GGNBP2: variants seen among roughly 807,000 people sequenced by gnomAD.
The protein encoded by GGNBP2 is gametogenetin-binding protein 2.
A neutral mutation model predicts 85.9 loss-of-function variants in GGNBP2; 10 were observed. The observed-to-expected ratio is 0.12, with a 90% confidence interval of 0.07 to 0.20. The LOEUF (loss-of-function observed/expected upper bound fraction) is 0.20, where lower values mean the gene tolerates loss of function less well. Among genes scored for constraint, GGNBP2 ranks in the 10% least tolerant of loss-of-function variants. The pLI, the probability that GGNBP2 is intolerant of heterozygous loss-of-function variation, is 1.00. For synonymous variants in GGNBP2, 287 were observed against 285.7 expected (o/e 1.00, Z -0.05); for missense variants, 595 against 857.8 (o/e 0.69, Z 3.83).
At chr17:36,547,938 A>G (rs1346203496) in intron 2 of GGNBP2, among the ~76,000 whole-genome samples, 1 of 152,224 alleles carries the variant, frequency 6.6e-6, no homozygotes, top group Non-Finnish European at 1.5e-5. Flanking sequence ...TATTCTACCA[A>G]ATACTACTGA....
intron 12 of GGNBP2, 167 bp downstream of exon 12, chr17:36,586,365 G>A (rs1225966462): frequency 5.4e-6 from 4 of 734,762 alleles, no homozygotes; most frequent in Admixed American, 3.0e-5. Context: ...TGGGTTGGGG[G>A]CAGAGAGAGA....
chr17:36,556,597 G>A (rs1199396947), intron 3 of GGNBP2, among the ~76,000 whole-genome samples: 2 of 151,850 alleles, frequency 1.3e-5, no homozygotes, highest in Admixed American at 6.6e-5. Flanking sequence ...CCAGCTACTC[G>A]GGAGGCTGAG....
chr17:36,578,519 AT>A lies in GGNBP2; in HGVS notation c.845+337del, dbSNP rs2074613831. ...TCTATCCATGCATTATCATGTGTAA[AT>A]TTTATTCACAATAATGGTTTTTGCA... On this transcript the variant is annotated intron_variant, in intron 7 of 13. Transcript: ENST00000613102. 3.0e-5 allele frequency: 7 copies of A among 237,100 alleles called. No homozygotes were observed. In the South Asian group the frequency reaches 8.5e-4, roughly 29 times the overall value. The allele number at this position is 237,100 out of a possible 1,614,324, so 14.7% of individuals were successfully genotyped here.
intron 4 of GGNBP2, among the ~76,000 whole-genome samples, chr17:36,558,299 C>T (rs978581321): frequency 1.3e-4 from 20 of 148,728 alleles, no homozygotes; most frequent in Admixed American, 1.1e-3. Context: ...CCTGTAATCC[C>T]AGCTACTCGA....
chr17:36,554,075 C>G (rs1039361836), intron 2 of GGNBP2, among the ~76,000 whole-genome samples: 23 of 151,878 alleles, frequency 1.5e-4, no homozygotes, highest in African/African-American at 5.6e-4. Context: ...GACTGTAATC[C>G]CAGTACTTTG....
At chr17:36,558,414 C>CAAAAAAA (rs755597241) in intron 4 of GGNBP2, among the ~76,000 whole-genome samples, 2 of 18,962 alleles carry the variant, frequency 1.1e-4, no homozygotes, top group Non-Finnish European at 2.0e-4. Context: ...AGCTCCATCT[C>CAAAAAAA]AAAAAAAAAA....
Position 36,545,780 on chromosome 17 carries a change from G to A in GGNBP2, c.56G>A (p.Arg19Lys). ...RDGEEEFPFE[R>K]RQIPLYIDDT... ...GGGGAGGAGGAGTTCCCCTTCGAGAGGAGGCAGATTCCCCTCTACATAGAC... is the reference window on the plus strand; with the variant it reads ...GGGGAGGAGGAGTTCCCCTTCGAGAAGAGGCAGATTCCCCTCTACATAGAC... The change falls in exon 2 of 14, where the codon AGG becomes AAG. Residue 19 changes from arginine (R) to lysine (K), a missense_variant. This residue lies in a region of GGNBP2 where 216 missense variants were observed against 293.4 expected (regional missense o/e 0.74). Transcript: ENST00000613102. 1 of 1,580,878 alleles carries A rather than the reference G, an allele frequency of 6.3e-7. No individual in the cohort carries two copies. Among genetic ancestry groups the A allele is most frequent in the Non-Finnish European group, 8.6e-7 (1 of 1,163,958 alleles).
At position 36,567,215 on chromosome 17, in the gene GGNBP2, G is replaced by C. The variant is rs534815949; in HGVS notation, c.528-448G>C. Among the ~76,000 whole-genome samples, 137 of 152,130 alleles carry C rather than the reference G, an allele frequency of 9.0e-4. 1 individual carries two copies. The Middle Eastern group carries it at 0.01, about 11-fold the overall frequency. ...AGTTGCTCTCTTGATAACTACAGAT[G>C]TTGTTAAATTGTATCAGATAAACTT... On this transcript the variant is annotated intron_variant, in intron 5 of 13. Transcript: ENST00000613102.
In GGNBP2 at chr17:36,587,217, A is replaced by G. The variant is rs2142792935; in HGVS notation, c.1862A>G (p.Lys621Arg). The G allele has an allele frequency of 6.2e-7, 1 of 1,614,164 alleles. No individual in the cohort carries two copies. Among genetic ancestry groups the G allele is most frequent in the Non-Finnish European group, 8.5e-7 (1 of 1,180,018 alleles). Reference sequence around the variant, plus strand: ...ACGTTGTTTGGTCCCGATTCCGGAAAAGGTGCCAAGAGCTTAGTTGAACTC... The same window carrying G: ...ACGTTGTTTGGTCCCGATTCCGGAAGAGGTGCCAAGAGCTTAGTTGAACTC... Reference protein sequence around the residue: ...TETLFGPDSGKGAKSLVELLD... With the variant: ...TETLFGPDSGRGAKSLVELLD... Residue 621 changes from lysine to arginine, a missense_variant, in exon 13 of 14, where the codon AAA (lysine) becomes AGA (arginine). Transcript: ENST00000613102.
At chr17:36,561,212 C>T (rs1469742485) in intron 5 of GGNBP2, among the ~76,000 whole-genome samples, 1 of 152,112 alleles carries the variant, frequency 6.6e-6, no homozygotes, top group Non-Finnish European at 1.5e-5. Flanking sequence ...CAACCTCCAC[C>T]TCCCTGGTTC....
chr17:36,564,855 A>G (rs1290715896), intron 5 of GGNBP2, among the ~76,000 whole-genome samples: 1 of 152,140 alleles, frequency 6.6e-6, no homozygotes, highest in Non-Finnish European at 1.5e-5. Context: ...ATAGAAATCT[A>G]GGTCAGCCTT....
At chr17:36,575,642 A>ATTTTTTT (rs1341363221) in intron 6 of GGNBP2, among the ~76,000 whole-genome samples, 6 of 51,614 alleles carry the variant, frequency 1.2e-4, no homozygotes, top group Non-Finnish European at 1.8e-4. Flanking sequence ...ATATATATAT[A>ATTTTTTT]TATATATTTT....
intron 6 of GGNBP2, among the ~76,000 whole-genome samples, chr17:36,576,429 C>T (rs1302951473): frequency 1.9e-5 from 2 of 105,976 alleles, no homozygotes; most frequent in Non-Finnish European, 3.7e-5. Context: ...TGGTGGGCGC[C>T]TGTAATCCCA....
chr17:36,585,691 T>C, intron 10 of GGNBP2, 149 bp from the exon 11 acceptor site: 1 of 700,566 alleles, frequency 1.4e-6, no homozygotes, highest in Non-Finnish European at 2.3e-6. Context: ...ATTTACTTTC[T>C]ACTTAAAAAA....
At chr17:36,585,817 ACT>A in intron 10 of GGNBP2, 21 bp from the exon 11 acceptor site, 6 of 1,605,498 alleles carry the variant, frequency 3.7e-6, no homozygotes, top group Non-Finnish European at 5.1e-6. Context: ...GTTAATAGTA[ACT>A]CTCACTTGAT....
At chr17:36,569,621 G>A (rs564224778) in intron 6 of GGNBP2, among the ~76,000 whole-genome samples, 20 of 152,128 alleles carry the variant, frequency 1.3e-4, no homozygotes, top group Non-Finnish European at 2.2e-4. Context: ...GACTTCGCCC[G>A]CATACCAAGT....
intron 3 of GGNBP2, 68 bp downstream of exon 3, chr17:36,554,968 CTG>C (rs764761789): frequency 8.0e-4 from 779 of 972,108 alleles, no homozygotes; most frequent in Non-Finnish European, 1.1e-3. Context: ...TAAAATTTAG[CTG>C]TATTAATTTT....
intron 2 of GGNBP2, chr17:36,546,317 A>C: frequency 4.8e-6 from 1 of 207,886 alleles, no homozygotes; most frequent in East Asian, 1.1e-4. Flanking sequence ...GATTCCACTA[A>C]AATGGTTTGA....
At position 36,589,832 on chromosome 17, in the gene GGNBP2, TAA is replaced by T. The variant is rs1279057510; in HGVS notation, c.*422_*423del. 1 of 172,576 alleles carries T rather than the reference TAA, an allele frequency of 5.8e-6. No individual in the cohort carries two copies. The highest frequency in any genetic ancestry group is 2.4e-5 in the African/African-American group (1 of 41,732). The allele number at this position is 172,576 out of a possible 1,614,324, so 10.7% of individuals were successfully genotyped here. On this transcript the variant is annotated 3_prime_UTR_variant, in exon 14 of 14. Transcript: ENST00000613102. ...AAAATTTAAAATAAAGAATATTTAT[TAA>T]TACGCACAGTAAAATTTGCTGTACA...
Sources: gnomAD v4.1 joint callset for allele counts (sites outside exome capture counted in the v4.1 genomes callset) on GRCh38, gnomAD v4.1.1 for gene constraint, gnomAD v4.1.1 regional missense constraint, MANE v1.5 for transcripts, NCBI Gene and HGNC (gene_info 2026-07-23, HGNC 2026-07-21) for gene names.